LRRK1: variants seen among roughly 807,000 people sequenced by gnomAD.
LRRK1 encodes the protein leucine rich repeat kinase 1.
A neutral mutation model predicts 209.1 loss-of-function variants in LRRK1; 113 were observed. The observed-to-expected ratio is 0.54, with a 90% CI of 0.46 to 0.63. The LOEUF (loss-of-function observed/expected upper bound fraction) is 0.63, where lower values mean the gene tolerates loss of function less well. Among genes scored for constraint, LRRK1 ranks in the 30% least tolerant of loss-of-function variants. The pLI, the probability that LRRK1 is intolerant of heterozygous loss-of-function variation, is 0.00. For synonymous variants in LRRK1, 1,144 were observed against 1,099.7 expected (o/e 1.04, Z -0.80); for missense variants, 2,284 against 2,632.2 (o/e 0.87, Z 2.89).
Position 100,975,221 on chromosome 15 carries a change from A to G in LRRK1, c.261+1254A>G, listed in dbSNP as rs556322057. ...GGCCTCAAGCAGGGAGGAGCTGGGC[A>G]GCAAACACAGCCTGGCATCCCTGCC... On this transcript the variant is annotated intron_variant, in intron 3 of 33. Transcript: ENST00000388948. Among the ~76,000 whole-genome samples the G allele has an allele frequency of 3.9e-5, 6 of 152,374 alleles. No individual in the cohort carries two copies. In the East Asian group the frequency reaches 1.2e-3, roughly 29 times the overall value.
In LRRK1 at chr15:101,022,067, C is replaced by T; in HGVS notation, c.1852+110C>T. 1.3e-6 allele frequency: 1 copy of T among 747,428 alleles called. No individual in the cohort carries two copies. The highest frequency in any genetic ancestry group is 2.2e-6 in the Non-Finnish European group (1 of 456,898). The allele number at this position is 747,428 out of a possible 1,614,324, so 46.3% of individuals were successfully genotyped here. On this transcript the variant is annotated intron_variant, in intron 14 of 33. Transcript: ENST00000388948. The surrounding 1 kb of genome is among the most constrained non-coding windows in gnomAD (Gnocchi z 4.0). Reference sequence around the variant, plus strand: ...AGTTGGTGACCCATGGAGCCCAGCTCCAGGTTCCAGATTTGACAAGATGCT... The same window carrying T: ...AGTTGGTGACCCATGGAGCCCAGCTTCAGGTTCCAGATTTGACAAGATGCT...
intron 20 of LRRK1, 91 bp downstream of exon 20, chr15:101,029,323 T>A: frequency 7.6e-7 from 1 of 1,315,772 alleles, no homozygotes; most frequent in East Asian, 2.5e-5. Context: ...TGAACAAGAT[T>A]TCCAGGGATC....
At position 100,924,683 on chromosome 15, in the gene LRRK1, G is replaced by A. The variant is rs775634872; in HGVS notation, c.51G>A (p.Pro17=). ...RPPSMYWCVG[P]EESAVCPERA... ...CCAGCATGTACTGGTGTGTGGGGCC[G>A]GAGGAGTCAGCTGTGTGTCCAGAAC... The change falls in exon 2 of 34, where the codon CCG becomes CCA. Residue 17 remains proline (P), a synonymous_variant. Transcript: ENST00000388948. 47 of 1,614,050 alleles carry A rather than the reference G, an allele frequency of 2.9e-5. No individual in the cohort carries two copies. In the East Asian group the frequency reaches 3.6e-4, roughly 12 times the overall value.
rs372434815 is a variant in LRRK1 at position 101,027,283 on chromosome 15, G to A, written c.2428G>A (p.Glu810Lys). ...HLHEISCKSL[E>K]GQEGLRQLIF... ...CAGTGAGATTTCCTGCAAGAGCCTG[G>A]AAGGTCAGGAAGGGCTGCGACAGCT... The change falls in exon 18 of 34, where the codon GAA (glutamate) becomes AAA (lysine). Residue 810 changes from glutamate to lysine, a missense_variant. Transcript: ENST00000388948. The surrounding 1 kb of genome is among the most constrained non-coding windows in gnomAD (Gnocchi z 5.1). 1.2e-6 allele frequency: 2 copies of A among 1,614,150 alleles called. No individual in the cohort carries two copies. Among genetic ancestry groups the A allele is most frequent in the African/African-American group, 1.3e-5 (1 of 75,048 alleles).
chr15:101,045,428 G>C (rs981241257), intron 20 of LRRK1, among the ~76,000 whole-genome samples: 3 of 152,238 alleles, frequency 2.0e-5, no homozygotes, highest in Admixed American at 1.3e-4. Context: ...TATGATGACC[G>C]AGAGTGTTCT....
rs749075771 is a variant in LRRK1 at position 101,057,997 on chromosome 15, T to A, written c.4535T>A (p.Leu1512Gln). ...GTGGCTTCTCTCCCTCAGCGACCGC[T>A]GGCCCTGTCGGTGGTGAGCCAGATG... ...CWDTKPEKRPLALSVVSQMKD... is the reference protein window; with the variant it reads ...CWDTKPEKRPQALSVVSQMKD... Residue 1512 changes from leucine (L) to glutamine (Q), a missense_variant, in exon 29 of 34, where the codon CTG becomes CAG. Coordinates refer to ENST00000388948, the MANE Select transcript of LRRK1 (RefSeq NM_024652.6). 6.2e-7 allele frequency: 1 copy of A among 1,614,126 alleles called. No individual in the cohort carries two copies. Among genetic ancestry groups the A allele is most frequent in the East Asian group, 2.2e-5 (1 of 44,884 alleles).
At chr15:100,958,829 G>A (rs562851795) in intron 2 of LRRK1, among the ~76,000 whole-genome samples, 1 of 152,220 alleles carries the variant, frequency 6.6e-6, no homozygotes, top group South Asian at 2.1e-4. Flanking sequence ...GCAGCGCGGG[G>A]TCAGCATGGT....
At chr15:101,061,731 C>G (rs2036193866) in intron 30 of LRRK1, among the ~76,000 whole-genome samples, 1 of 152,180 alleles carries the variant, frequency 6.6e-6, no homozygotes, top group African/African-American at 2.4e-5. Flanking sequence ...CTGAGGCAGG[C>G]TAGGCACAGG....
chr15:100,980,294 A>G (rs1359894664), intron 3 of LRRK1, among the ~76,000 whole-genome samples: 2 of 152,214 alleles, frequency 1.3e-5, no homozygotes, highest in African/African-American at 2.4e-5. Flanking sequence ...GATTTAAAAA[A>G]AAAAAAAGCC....
intron 2 of LRRK1, among the ~76,000 whole-genome samples, chr15:100,942,364 C>A (rs923974616): frequency 3.3e-5 from 5 of 152,198 alleles, no homozygotes; most frequent in Non-Finnish European, 7.3e-5. Context: ...TTTTCTCTTT[C>A]TCTGTTGGGC....
intron 2 of LRRK1, among the ~76,000 whole-genome samples, chr15:100,950,878 C>A (rs546507079): frequency 2.0e-5 from 3 of 152,104 alleles, no homozygotes; most frequent in Non-Finnish European, 4.4e-5. Flanking sequence ...CCAAGGCGGG[C>A]AGATCACGAG....
chr15:100,951,545 C>T (rs1457133517), intron 2 of LRRK1, among the ~76,000 whole-genome samples: 1 of 152,078 alleles, frequency 6.6e-6, no homozygotes, highest in Non-Finnish European at 1.5e-5. Context: ...AACCCAAGCT[C>T]CCATCAGCTG....
chr15:101,067,464 T>TAC (rs2036601265), intron 33 of LRRK1: 1 of 292,082 alleles, frequency 3.4e-6, no homozygotes, highest in African/African-American at 2.3e-5. Flanking sequence ...TGTGTGTGTG[T>TAC]ACTTTGGAGC....
chr15:101,056,603 A>C (rs547687938), intron 27 of LRRK1, among the ~76,000 whole-genome samples: 1 of 152,290 alleles, frequency 6.6e-6, no homozygotes, highest in Non-Finnish European at 1.5e-5. Flanking sequence ...GTACAGGAAG[A>C]CAAGCAAATG....
intron 2 of LRRK1, among the ~76,000 whole-genome samples, chr15:100,950,790 A>C (rs1196806492): frequency 6.6e-6 from 1 of 152,238 alleles, no homozygotes; most frequent in Non-Finnish European, 1.5e-5. Context: ...ACAATTCAGC[A>C]ACAAAAAAAC....
intron 2 of LRRK1, among the ~76,000 whole-genome samples, chr15:100,931,128 C>T (rs2042204313): frequency 6.6e-6 from 1 of 152,228 alleles, no homozygotes. Context: ...AGAGTCCTTC[C>T]TGAGCTCATC....
Position 101,055,197 on chromosome 15 carries a change from A to T in LRRK1, c.4306A>T (p.Arg1436Trp). 6.3e-7 allele frequency: 1 copy of T among 1,595,710 alleles called. No homozygotes were observed. The highest frequency in any genetic ancestry group is 8.5e-7 in the Non-Finnish European group (1 of 1,171,170). ...GTPGYQAPEI[R>W]PRIVYDEKVD... ...TCCTGGCTACCAGGCCCCAGAGATC[A>T]GGCCTCGCATTGTATATGATGAGAA... The change falls in exon 27 of 34, where the codon AGG (arginine) becomes TGG (tryptophan). Residue 1436 changes from arginine (R) to tryptophan (W), a missense_variant. Physicochemically the swap from Arg to Trp is moderately radical, Grantham distance 101 (BLOSUM62 -3). Coordinates refer to ENST00000388948, the MANE Select transcript of LRRK1 (RefSeq NM_024652.6).
Position 100,962,800 on chromosome 15 carries a change from T to TATATACATATATATATATATATATATAC in LRRK1, c.98-10999_98-10998insCATATATATATATATATATATACATATA, listed in dbSNP as rs1422041164. On this transcript the variant is annotated intron_variant, in intron 2 of 33. Coordinates refer to ENST00000388948, the MANE Select transcript of LRRK1 (RefSeq NM_024652.6). ...AATAAATTATTTCATTTTGCATATATATATATATATATATATATATATATT... is the reference window on the plus strand; with the variant it reads ...AATAAATTATTTCATTTTGCATATATATATACATATATATATATATATATATACATATATATATATATATATATATATT... Among the ~76,000 whole-genome samples the TATATACATATATATATATATATATATAC allele has an allele frequency of 2.1e-3, 36 of 17,268 alleles. 7 individuals are homozygous for TATATACATATATATATATATATATATAC. Among genetic ancestry groups the TATATACATATATATATATATATATATAC allele is most frequent in the Non-Finnish European group, 4.5e-3 (28 of 6,172 alleles). The allele number at this position is 17,268 out of a possible 152,430, so 11.3% of individuals were successfully genotyped here.
chr15:100,976,915 A>G (rs2031325555), intron 3 of LRRK1, among the ~76,000 whole-genome samples: 1 of 152,208 alleles, frequency 6.6e-6, no homozygotes, highest in Admixed American at 6.5e-5. Context: ...ACTTAATGTA[A>G]TAAGTGCAGA....
Sources: allele counts gnomAD v4.1 joint callset (sites outside exome capture counted in the v4.1 genomes callset), GRCh38; gene constraint gnomAD v4.1.1; non-coding constraint Gnocchi (gnomAD v3.1); transcripts MANE v1.5; gene names NCBI Gene and HGNC (gene_info 2026-07-23, HGNC 2026-07-21).